ANKRD36C: variants seen among roughly 807,000 people sequenced by gnomAD.
ANKRD36C encodes the protein ankyrin repeat domain 36C.
Under a neutral mutation model 276.4 loss-of-function variants are expected in ANKRD36C, and 61 were observed. The ratio of observed to expected loss-of-function variants is 0.22; its 90% CI spans 0.18 to 0.27. The LOEUF (loss-of-function observed/expected upper bound fraction) is 0.27. ANKRD36C is among the 10% of genes least tolerant of loss of function. The probability of loss-of-function intolerance (pLI) is 1.00; values close to 1 mark genes in which losing one functional copy is unlikely to be tolerated. For synonymous variants in ANKRD36C, 483 were observed against 680.1 expected (o/e 0.71, Z 4.51); for missense variants, 1,447 against 2,032.3 (o/e 0.71, Z 5.54).
Position 95,885,701 on chromosome 2 carries a change from C to T in ANKRD36C, c.3163+347G>A, listed in dbSNP as rs556057889. ...CTCCGTTTATAACAATATGATCTGA[C>T]GCCTATAATATCTATTACTTCGTCT... On this transcript the variant is annotated intron_variant, in intron 52 of 66. Coordinates refer to ENST00000456556, the Ensembl canonical transcript of ANKRD36C. 4.3e-4 allele frequency among the ~76,000 whole-genome samples: 66 copies of T among 151,968 alleles called. 2 individuals are homozygous for T. The South Asian group carries it at 0.012, about 27-fold the overall frequency.
intron 36 of ANKRD36C, 117 bp downstream of exon 38, chr2:95,917,738 A>T: frequency 7.6e-7 from 1 of 1,316,726 alleles, no homozygotes. Context: ...GGACTGCTGG[A>T]TCAGAATGTG....
chr2:95,947,660 AAG>A (rs1678087984), intron 17 of ANKRD36C, among the ~76,000 whole-genome samples: 1 of 152,194 alleles, frequency 6.6e-6, no homozygotes. Flanking sequence ...TAGAAATATG[AAG>A]AGTCTCTGCT....
chr2:95,908,387 A>C lies in ANKRD36C; in HGVS notation c.2653+3857T>G, dbSNP rs1214180276. 6 of 1,181,360 alleles carry C rather than the reference A, an allele frequency of 5.1e-6. No individual in the cohort carries two copies. The Admixed American group carries it at 1.3e-4, about 26-fold the overall frequency. 73.2% of individuals were successfully genotyped at this position (1,181,360 alleles called of 1,614,324 possible). ...GAACTTATTTGAAATGAAGAATCTCAGGACTGCTGAATCAGAATGTGCAGC... is the reference window on the plus strand; with the variant it reads ...GAACTTATTTGAAATGAAGAATCTCCGGACTGCTGAATCAGAATGTGCAGC... On this transcript the variant is annotated intron_variant, in intron 42 of 66. Coordinates refer to ENST00000456556, the Ensembl canonical transcript of ANKRD36C.
At chr2:95,968,709 G>C (rs1038631314) in intron 6 of ANKRD36C, among the ~76,000 whole-genome samples, 3 of 152,160 alleles carry the variant, frequency 2.0e-5, no homozygotes, top group Admixed American at 1.3e-4. Flanking sequence ...GATCCCACAG[G>C]TTGAGGGCTT....
At chr2:95,875,474 G>A (rs1026317504) in intron 59 of ANKRD36C, among the ~76,000 whole-genome samples, 19 of 136,946 alleles carry the variant, frequency 1.4e-4, no homozygotes, top group Admixed American at 3.3e-4. Flanking sequence ...GGTGGGAATT[G>A]AACAATGAGA....
chr2:95,892,056 A>T (rs1360726595), intron 44 of ANKRD36C, among the ~76,000 whole-genome samples, 196 bp from the exon 65 acceptor site: 1 of 151,604 alleles, frequency 6.6e-6, no homozygotes, highest in East Asian at 1.9e-4. Context: ...CATGAAATAT[A>T]GTTTTAGTAT....
chr2:95,973,676 T>C (rs1367447114), intron 6 of ANKRD36C, among the ~76,000 whole-genome samples: 1 of 152,188 alleles, frequency 6.6e-6, no homozygotes, highest in African/African-American at 2.4e-5. Flanking sequence ...GGATGAGTTA[T>C]CCACTTCTGC....
intron 64 of ANKRD36C, chr2:95,852,853 C>T (rs889989467): frequency 1.3e-5 from 2 of 152,248 alleles, no homozygotes; most frequent in Non-Finnish European, 2.9e-5. Flanking sequence ...TAAGATCCTA[C>T]AGGATATTAT....
chr2:95,876,853 CAAA>C (rs61043155), intron 58 of ANKRD36C, among the ~76,000 whole-genome samples: 1 of 84,162 alleles, frequency 1.2e-5, no homozygotes, highest in Non-Finnish European at 2.3e-5. Context: ...GACTGTGTCT[CAAA>C]AAAAAAAAAA....
chr2:95,912,520 C>T, intron 40 of ANKRD36C, 85 bp from the exon 43 acceptor site: 6 of 1,588,908 alleles, frequency 3.8e-6, no homozygotes, highest in Non-Finnish European at 5.1e-6. Flanking sequence ...GCATCAACCT[C>T]TGACCTCCTG....
chr2:95,915,981 T>G (rs1331206492), exon 38 of ANKRD36C: 2 of 1,547,894 alleles, frequency 1.3e-6, no homozygotes, highest in Non-Finnish European at 1.7e-6. Flanking sequence ...CAAAATTACC[T>G]GTCCTAGATA....
At chr2:95,977,603 G>T (rs1477955029) in intron 6 of ANKRD36C, among the ~76,000 whole-genome samples, 1 of 151,888 alleles carries the variant, frequency 6.6e-6, no homozygotes, top group Non-Finnish European at 1.5e-5. Context: ...TACTGCAAAA[G>T]CTTCCTTTCT....
chr2:95,881,228 C>T (rs1368936693), intron 56 of ANKRD36C, among the ~76,000 whole-genome samples: 13 of 152,052 alleles, frequency 8.5e-5, no homozygotes, highest in African/African-American at 3.1e-4. Flanking sequence ...AATCTGCCTA[C>T]ATTTCTTATA....
intron 32 of ANKRD36C, among the ~76,000 whole-genome samples, chr2:95,923,238 G>A (rs72492173): frequency 2.6e-5 from 4 of 151,498 alleles, no homozygotes; most frequent in African/African-American, 7.3e-5. Flanking sequence ...TGTACCCTGA[G>A]CCCCTTATGT....
chr2:95,912,325 A>C lies in ANKRD36C; in HGVS notation c.2581-9T>G, dbSNP rs747470243. On this transcript the variant is annotated splice_polypyrimidine_tract_variant and intron_variant, in intron 41 of 66. Transcript: ENST00000456556. ...TTCTCATCACTTGTAGCCTGAATGG[A>C]ATTTGAAACAAAATAATAAATAAGG... 1 of 1,590,262 alleles carries C rather than the reference A, an allele frequency of 6.3e-7. No homozygotes were observed. Among genetic ancestry groups the C allele is most frequent in the Non-Finnish European group, 8.5e-7 (1 of 1,169,924 alleles).
intron 17 of ANKRD36C, among the ~76,000 whole-genome samples, chr2:95,946,370 A>G (rs112935613): frequency 0.3 from 42,590 of 142,390 alleles, 6,610 homozygotes; most frequent in East Asian, 0.45. Context: ...ACCATCTCAC[A>G]CCAGTTAGAA....
At chr2:95,873,519 A>G (rs1211638587) in intron 59 of ANKRD36C, among the ~76,000 whole-genome samples, 1 of 152,202 alleles carries the variant, frequency 6.6e-6, no homozygotes, top group Non-Finnish European at 1.5e-5. Flanking sequence ...GATGTATTTC[A>G]AAATAATAAG....
intron 13 of ANKRD36C, among the ~76,000 whole-genome samples, chr2:95,955,971 A>C (rs1351514679): frequency 2.6e-5 from 4 of 152,182 alleles, no homozygotes; most frequent in African/African-American, 9.7e-5. Context: ...GAAAAGTGGT[A>C]GAGAAAGTGA....
intron 8 of ANKRD36C, among the ~76,000 whole-genome samples, chr2:95,961,630 G>T (rs1197219596): frequency 2.0e-5 from 3 of 152,000 alleles, no homozygotes; most frequent in Non-Finnish European, 4.4e-5. Context: ...GCATATTCAT[G>T]ATTAGCCTAT....
Sources: allele counts gnomAD v4.1 joint callset (sites outside exome capture counted in the v4.1 genomes callset), GRCh38; gene constraint gnomAD v4.1.1; transcripts MANE v1.5; gene names NCBI Gene and HGNC (gene_info 2026-07-23, HGNC 2026-07-21).